Variants in RASAL2 observed in about 807,000 individuals in gnomAD.
The protein encoded by RASAL2 is ras GTPase-activating protein nGAP.
Under a neutral mutation model 128.9 loss-of-function variants are expected in RASAL2, and 58 were observed. The ratio of observed to expected loss-of-function variants is 0.45; its 90% CI spans 0.36 to 0.56. The LOEUF is 0.56. Among genes scored for constraint, RASAL2 ranks in the 20% least tolerant of loss-of-function variants. RASAL2 has a pLI of 0.00. For missense variants in RASAL2, 1,360 were observed against 1,601.6 expected (o/e 0.85, Z 2.57); for synonymous variants, 561 against 580.8 (o/e 0.97, Z 0.49).
Position 178,331,357 on chromosome 1 carries a change from C to T in RASAL2, c.457+31239C>T, listed in dbSNP as rs531569372. The stretch of plus-strand genomic sequence containing the variant: ...TGACTAAGAGGCAGCGTTCTATACT[C>T]CCGTGTCCTATGACATTGTCAGTGG... On this transcript the variant is annotated intron_variant, in intron 3 of 17. Transcript: ENST00000367649. Among the ~76,000 whole-genome samples the T allele has an allele frequency of 7.9e-5, 12 of 152,206 alleles. 1 individual carries two copies. In the Middle Eastern group the frequency reaches 0.01, roughly 129 times the overall value.
intron 4 of RASAL2, among the ~76,000 whole-genome samples, chr1:178,399,671 A>G (rs1049506823): frequency 9.9e-5 from 15 of 152,218 alleles, no homozygotes; most frequent in Non-Finnish European, 1.8e-4. Flanking sequence ...AGTGGAGACA[A>G]AAACTACTGA....
At chr1:178,156,257 G>A (rs1661081550) in intron 1 of RASAL2, among the ~76,000 whole-genome samples, 1 of 152,060 alleles carries the variant, frequency 6.6e-6, no homozygotes, top group Non-Finnish European at 1.5e-5. Context: ...TAGGAACAAT[G>A]GTGATTTAAA....
intron 2 of RASAL2, among the ~76,000 whole-genome samples, chr1:178,296,081 A>G (rs930282174): frequency 6.6e-6 from 1 of 151,782 alleles, no homozygotes; most frequent in Middle Eastern, 3.4e-3. Flanking sequence ...GTATGTGTAT[A>G]TATGTGTGTG....
At chr1:178,413,773 A>G (rs912254505) in intron 4 of RASAL2, among the ~76,000 whole-genome samples, 3 of 152,224 alleles carry the variant, frequency 2.0e-5, no homozygotes, top group African/African-American at 7.2e-5. Flanking sequence ...AGCAGATAGC[A>G]TGCAAGAACA....
chr1:178,247,624 T>C (rs1197137486), intron 1 of RASAL2, among the ~76,000 whole-genome samples: 1 of 152,180 alleles, frequency 6.6e-6, no homozygotes, highest in Admixed American at 6.5e-5. Context: ...TTGAATTTGT[T>C]TTCTCTTGCT....
At chr1:178,357,062 G>T (rs548674876) in intron 3 of RASAL2, among the ~76,000 whole-genome samples, 241 of 152,150 alleles carry the variant, frequency 1.6e-3, no homozygotes, top group Non-Finnish European at 2.5e-3. Flanking sequence ...GCTTGTGCTG[G>T]TATTTCTGTA....
At chr1:178,116,890 C>G (rs946937751) in intron 1 of RASAL2, among the ~76,000 whole-genome samples, 2 of 152,120 alleles carry the variant, frequency 1.3e-5, no homozygotes, top group African/African-American at 4.8e-5. Context: ...GATTACCCAC[C>G]ACACCTGGCC....
chr1:178,271,540 A>G (rs1339456157), intron 1 of RASAL2, among the ~76,000 whole-genome samples: 3 of 152,168 alleles, frequency 2.0e-5, no homozygotes, highest in Non-Finnish European at 4.4e-5. Context: ...TTTGTAGGCC[A>G]GAGTTAGAGA....
chr1:178,347,774 T>C (rs1045293602), intron 3 of RASAL2, among the ~76,000 whole-genome samples: 1 of 152,196 alleles, frequency 6.6e-6, no homozygotes. Flanking sequence ...TGAACAATGC[T>C]CAGTGACCCA....
chr1:178,461,229 T>C (rs1436141921), intron 14 of RASAL2, among the ~76,000 whole-genome samples: 1 of 152,240 alleles, frequency 6.6e-6, no homozygotes, highest in Non-Finnish European at 1.5e-5. Flanking sequence ...CATATTTTAA[T>C]TGCAAATTGT....
At chr1:178,467,201 G>T (rs761497636) in intron 16 of RASAL2, 133 bp from the exon 17 acceptor site, 8 of 689,924 alleles carry the variant, frequency 1.2e-5, no homozygotes, top group Non-Finnish European at 2.0e-5. Context: ...TTATTCCAAG[G>T]TAGTAGAGAA....
At chr1:178,314,266 G>A (rs532461374) in intron 3 of RASAL2, among the ~76,000 whole-genome samples, 1 of 152,260 alleles carries the variant, frequency 6.6e-6, no homozygotes, top group East Asian at 1.9e-4. Context: ...CTCTTGCAGT[G>A]TCATATAAAT....
At chr1:178,258,096 C>T (rs1313315184) in intron 1 of RASAL2, among the ~76,000 whole-genome samples, 1 of 151,792 alleles carries the variant, frequency 6.6e-6, no homozygotes, top group Non-Finnish European at 1.5e-5. Context: ...AGATGGGAGA[C>T]GATCCTGGCT....
At chr1:178,219,220 G>T (rs1663533177) in intron 1 of RASAL2, among the ~76,000 whole-genome samples, 1 of 152,170 alleles carries the variant, frequency 6.6e-6, no homozygotes, top group Admixed American at 6.5e-5. Flanking sequence ...GAGAGTTAGG[G>T]CCTTGCTCTG....
intron 1 of RASAL2, among the ~76,000 whole-genome samples, chr1:178,182,087 GCA>G (rs1182399114): frequency 1.3e-5 from 2 of 152,048 alleles, no homozygotes; most frequent in Non-Finnish European, 2.9e-5. Context: ...AAATTGTTCT[GCA>G]CAGATTTGTC....
chr1:178,460,660 T>C (rs1223016785), intron 14 of RASAL2, among the ~76,000 whole-genome samples: 1 of 152,174 alleles, frequency 6.6e-6, no homozygotes, highest in African/African-American at 2.4e-5. Context: ...AGGTACAGCT[T>C]TGAATATTAA....
chr1:178,297,796 A>T (rs1667584026), intron 2 of RASAL2, among the ~76,000 whole-genome samples: 2 of 152,094 alleles, frequency 1.3e-5, no homozygotes. Context: ...TGAGAAAATA[A>T]TTGAGTGAAT....
intron 1 of RASAL2, among the ~76,000 whole-genome samples, chr1:178,228,791 A>G (rs1663885294): frequency 1.3e-5 from 2 of 152,226 alleles, no homozygotes; most frequent in East Asian, 1.9e-4. Flanking sequence ...ATTTTCCACT[A>G]AGATATCTTA....
At chr1:178,183,286 C>A (rs148311053) in intron 1 of RASAL2, among the ~76,000 whole-genome samples, 118 of 152,340 alleles carry the variant, frequency 7.7e-4, no homozygotes, top group Admixed American at 2.9e-3. Flanking sequence ...TGTTTTGTCA[C>A]ATTCTGCATT....
Sources: allele counts gnomAD v4.1 joint callset (sites outside exome capture counted in the v4.1 genomes callset), GRCh38; gene constraint gnomAD v4.1.1; transcripts MANE v1.5; gene names NCBI Gene and HGNC (gene_info 2026-07-23, HGNC 2026-07-21).